Variants in RUNX2 observed in about 807,000 individuals in gnomAD.
RUNX2 encodes runt-related transcription factor 2.
In RUNX2, 10 loss-of-function variants were observed where a neutral mutation model predicts 51.7. The ratio of observed to expected loss-of-function variants is 0.19; its 90% CI spans 0.12 to 0.33. RUNX2 has a LOEUF of 0.33. Ranked by LOEUF, RUNX2 falls within the 10% of genes least tolerant of loss-of-function variation. RUNX2 has a pLI of 1.00. For synonymous variants in RUNX2, 276 were observed against 273.6 expected (o/e 1.01, Z -0.09); for missense variants, 562 against 691.3 (o/e 0.81, Z 2.10).
chr6:45,455,500 G>T (rs1307282606), intron 5 of RUNX2, among the ~76,000 whole-genome samples: 4 of 152,124 alleles, frequency 2.6e-5, no homozygotes, highest in African/African-American at 9.7e-5. Context: ...CACCATGGCT[G>T]CTCTGTCCAG....
At chr6:45,495,045 C>T (rs992839098) in intron 6 of RUNX2, among the ~76,000 whole-genome samples, 10 of 152,212 alleles carry the variant, frequency 6.6e-5, no homozygotes, top group African/African-American at 2.4e-4. Flanking sequence ...AAGATTCCAC[C>T]CATCCTCCAA....
In RUNX2 at chr6:45,417,499, G is replaced by A. The variant is rs374622708; in HGVS notation, c.59-5094G>A. ...TTATGCAGAAAAGAATAAGTTAAAT[G>A]TTACGTTGTTCACTTTTAGAGAACT... is the stretch of plus-strand genomic sequence containing the variant. On this transcript the variant is annotated intron_variant, in intron 2 of 8. Transcript: ENST00000647337. Among the ~76,000 whole-genome samples, 44 of 152,300 alleles carry A rather than the reference G, an allele frequency of 2.9e-4. 1 individual carries two copies. The highest frequency in any genetic ancestry group is 1.3e-3 in the East Asian group (7 of 5,190).
intron 5 of RUNX2, among the ~76,000 whole-genome samples, chr6:45,439,802 A>G (rs1270541464): frequency 6.6e-6 from 1 of 152,136 alleles, no homozygotes; most frequent in Non-Finnish European, 1.5e-5. Flanking sequence ...TCTGAACGAT[A>G]TGACAATAAG....
intron 7 of RUNX2, among the ~76,000 whole-genome samples, chr6:45,524,033 A>C (rs1801594510): frequency 6.6e-6 from 1 of 152,172 alleles, no homozygotes. Flanking sequence ...AAATGACAGA[A>C]CTTTAATTTG....
At chr6:45,384,928 C>T (rs1281731553) in intron 2 of RUNX2, among the ~76,000 whole-genome samples, 1 of 151,768 alleles carries the variant, frequency 6.6e-6, no homozygotes, top group African/African-American at 2.4e-5. Context: ...GATCTCAAAC[C>T]CCTGGCCTCA....
At chr6:45,461,752 A>AT (rs5875922) in intron 5 of RUNX2, among the ~76,000 whole-genome samples, 2,227 of 146,580 alleles carry the variant, frequency 0.015, 29 homozygotes, top group African/African-American at 0.032. Context: ...GAGGCTTACT[A>AT]TTTTTTTTTT....
intron 3 of RUNX2, 30 bp downstream of exon 3, chr6:45,422,987 G>A: frequency 6.3e-7 from 1 of 1,599,894 alleles, no homozygotes. Context: ...CCCGCCCCCG[G>A]CCGGGAGCGG....
At position 45,376,096 on chromosome 6, in the gene RUNX2, T is replaced by C. The variant is rs73735397; in HGVS notation, c.59-46497T>C. 3.9e-3 allele frequency among the ~76,000 whole-genome samples: 594 copies of C among 152,298 alleles called. 7 individuals are homozygous for C. Among genetic ancestry groups the C allele is most frequent in the African/African-American group, 0.014 (566 of 41,544 alleles). Reference sequence around the variant, plus strand: ...AACCGACAATCACAAAATAGTACAATAATGTTTAAAGAAAACTCCAGTTAA... The same window carrying C: ...AACCGACAATCACAAAATAGTACAACAATGTTTAAAGAAAACTCCAGTTAA... On this transcript the variant is annotated intron_variant, in intron 2 of 8. Coordinates refer to ENST00000647337, the MANE Select transcript of RUNX2 (RefSeq NM_001024630.4).
chr6:45,541,300 A>G (rs1802221237), intron 7 of RUNX2, among the ~76,000 whole-genome samples: 1 of 152,220 alleles, frequency 6.6e-6, no homozygotes, highest in Non-Finnish European at 1.5e-5. Flanking sequence ...ATAATTCAAT[A>G]AGGGAGTGAG....
rs116828073 is a variant in RUNX2, at chr6:45,383,101, A to C, written c.59-39492A>C. On this transcript the variant is annotated intron_variant, in intron 2 of 8. Transcript: ENST00000647337. ...TTGGGGAATAAGTACATAATTAAGC[A>C]TGATGTTTGTATTATCTTTAATGTT... Among the ~76,000 whole-genome samples the C allele has an allele frequency of 5.0e-3, 754 of 152,276 alleles. 5 individuals carry two copies. Among genetic ancestry groups the C allele is most frequent in the African/African-American group, 0.017 (709 of 41,542 alleles).
intron 7 of RUNX2, 137 bp downstream of exon 7, chr6:45,512,544 T>G: frequency 1.1e-6 from 1 of 918,322 alleles, no homozygotes; most frequent in Non-Finnish European, 1.7e-6. Context: ...AACTGGCAAA[T>G]TAAATCTTCT....
intron 2 of RUNX2, among the ~76,000 whole-genome samples, chr6:45,395,770 C>T (rs2150349185): frequency 6.6e-6 from 1 of 152,300 alleles, no homozygotes; most frequent in Non-Finnish European, 1.5e-5. Context: ...TGGATTCAAG[C>T]AATCATGCCT....
intron 5 of RUNX2, among the ~76,000 whole-genome samples, chr6:45,441,938 A>G (rs1362331942): frequency 6.6e-6 from 1 of 152,244 alleles, no homozygotes. Context: ...TGTCTCTGGC[A>G]GCTGAACCAG....
intron 4 of RUNX2, among the ~76,000 whole-genome samples, chr6:45,436,241 T>G (rs1323970402): frequency 6.6e-6 from 1 of 152,100 alleles, no homozygotes; most frequent in Non-Finnish European, 1.5e-5. Flanking sequence ...TACTTATTAA[T>G]TTTTTTAAAT....
chr6:45,485,756 T>C (rs1800267119), intron 5 of RUNX2, among the ~76,000 whole-genome samples: 1 of 145,654 alleles, frequency 6.9e-6, no homozygotes, highest in East Asian at 2.0e-4. Flanking sequence ...AGATATTTAT[T>C]ATCAGGTTTT....
intron 2 of RUNX2, among the ~76,000 whole-genome samples, chr6:45,358,792 G>C (rs1449874571): frequency 6.6e-6 from 1 of 152,048 alleles, no homozygotes; most frequent in African/African-American, 2.4e-5. Context: ...GAAGCATTCA[G>C]GAACATGGTG....
intron 2 of RUNX2, among the ~76,000 whole-genome samples, chr6:45,416,054 A>C (rs930616779): frequency 6.6e-6 from 1 of 152,218 alleles, no homozygotes; most frequent in Non-Finnish European, 1.5e-5. Flanking sequence ...TTTCTCTGAG[A>C]AAAGTCTAGT....
chr6:45,493,396 T>C (rs930856240), intron 6 of RUNX2, among the ~76,000 whole-genome samples: 1 of 152,150 alleles, frequency 6.6e-6, no homozygotes, highest in Non-Finnish European at 1.5e-5. Context: ...CATATGTCCT[T>C]GATAAAAATA....
chr6:45,387,590 A>C (rs778340763), intron 2 of RUNX2, among the ~76,000 whole-genome samples: 1 of 152,172 alleles, frequency 6.6e-6, no homozygotes, highest in Non-Finnish European at 1.5e-5. Flanking sequence ...TAGTTCCCAG[A>C]TCTAAATGTC....
Sources: allele counts gnomAD v4.1 joint callset (sites outside exome capture counted in the v4.1 genomes callset), GRCh38; gene constraint gnomAD v4.1.1; transcripts MANE v1.5; gene names NCBI Gene and HGNC (gene_info 2026-07-23, HGNC 2026-07-21).